The following DOK6 variants were observed in gnomAD, a reference collection of about 807,000 sequenced individuals.
The protein encoded by DOK6 is docking protein 6.
DOK6 carries 22 observed loss-of-function variants against 44.0 expected under a neutral mutation model. The observed-to-expected ratio is 0.50, with a 90% confidence interval of 0.36 to 0.71. The LOEUF is 0.71. Ranked by LOEUF, DOK6 falls within the 30% of genes least tolerant of loss-of-function variation. The probability of loss-of-function intolerance (pLI) is 0.00; values close to 1 mark genes in which losing one functional copy is unlikely to be tolerated. For synonymous variants in DOK6, 166 were observed against 145.5 expected (o/e 1.14, Z -1.01); for missense variants, 340 against 416.4 (o/e 0.82, Z 1.60).
At position 69,848,738 on chromosome 18, in the gene DOK6, T is replaced by C. The variant is rs1982408017; in HGVS notation, c.*7355T>C. 6.6e-6 allele frequency: 1 copy of C among 152,232 alleles called. No homozygotes were observed. The highest frequency in any genetic ancestry group is 1.5e-5 in the Non-Finnish European group (1 of 68,028). 9.4% of individuals were successfully genotyped at this position (152,232 alleles called of 1,614,324 possible). A position where few individuals can be genotyped will look rare whatever the true frequency, so the allele number is the denominator to read the frequency against. On this transcript the variant is annotated 3_prime_UTR_variant, in exon 8 of 8. Coordinates refer to ENST00000382713, the MANE Select transcript of DOK6 (RefSeq NM_152721.6). ...ATTGTTAACAATGTCTTATTCATAA[T>C]TCTAAAAAATTTACAAATGATATTG...
At chr18:69,837,838 A>G (rs907623483) in intron 7 of DOK6, among the ~76,000 whole-genome samples, 6 of 152,200 alleles carry the variant, frequency 3.9e-5, no homozygotes, top group Non-Finnish European at 5.9e-5. Context: ...TATTGAAGTG[A>G]CATGTACAGT....
chr18:69,552,578 A>G (rs1599187998), intron 1 of DOK6, among the ~76,000 whole-genome samples: 1 of 152,214 alleles, frequency 6.6e-6, no homozygotes, highest in Admixed American at 6.5e-5. Context: ...TGCTATGTGA[A>G]TAAGAGGATT....
chr18:69,596,720 T>C (rs1983750079), intron 2 of DOK6, among the ~76,000 whole-genome samples: 1 of 152,120 alleles, frequency 6.6e-6, no homozygotes, highest in South Asian at 2.1e-4. Flanking sequence ...GTGATCCCAG[T>C]CCAACCGTAA....
At chr18:69,602,728 A>G (rs1983901325) in intron 3 of DOK6, among the ~76,000 whole-genome samples, 1 of 152,156 alleles carries the variant, frequency 6.6e-6, no homozygotes, top group Non-Finnish European at 1.5e-5. Context: ...CCAAAATGAG[A>G]TTTTTTTGTT....
intron 1 of DOK6, among the ~76,000 whole-genome samples, chr18:69,527,690 G>A (rs1402337905): frequency 6.6e-6 from 1 of 152,090 alleles, no homozygotes; most frequent in African/African-American, 2.4e-5. Flanking sequence ...AATTCATCTG[G>A]CAACTACTGA....
At chr18:69,622,763 T>C (rs1984471222) in intron 3 of DOK6, among the ~76,000 whole-genome samples, 1 of 152,212 alleles carries the variant, frequency 6.6e-6, no homozygotes. Context: ...ACAATATTAT[T>C]ATTGTCTAAG....
At chr18:69,488,125 G>A (rs1392784271) in intron 1 of DOK6, among the ~76,000 whole-genome samples, 5 of 152,116 alleles carry the variant, frequency 3.3e-5, no homozygotes, top group Non-Finnish European at 7.4e-5. Context: ...CAATCTCATA[G>A]TGTGTTTCTA....
chr18:69,516,513 A>G (rs988037238), intron 1 of DOK6, among the ~76,000 whole-genome samples: 1 of 152,214 alleles, frequency 6.6e-6, no homozygotes, highest in Non-Finnish European at 1.5e-5. Context: ...CTTCATTTGC[A>G]AGAAACAATG....
intron 7 of DOK6, among the ~76,000 whole-genome samples, chr18:69,807,653 T>C (rs2145112202): frequency 6.6e-6 from 1 of 151,996 alleles, no homozygotes; most frequent in Admixed American, 6.6e-5. Context: ...TATACATGTA[T>C]CATATAAAAT....
At chr18:69,824,032 G>A (rs1375837107) in intron 7 of DOK6, among the ~76,000 whole-genome samples, 1 of 146,510 alleles carries the variant, frequency 6.8e-6, no homozygotes, top group Non-Finnish European at 1.5e-5. Context: ...CCTTGTTATA[G>A]TAGTTATTTT....
At chr18:69,686,861 T>C (rs1245474899) in intron 4 of DOK6, among the ~76,000 whole-genome samples, 1 of 152,030 alleles carries the variant, frequency 6.6e-6, no homozygotes, top group East Asian at 1.9e-4. Flanking sequence ...AATTACACAG[T>C]CATACTCAAG....
chr18:69,829,951 A>G lies in DOK6; in HGVS notation c.857-11293A>G, dbSNP rs141675497. On this transcript the variant is annotated intron_variant, in intron 7 of 7. Transcript: ENST00000382713. ...ATTTGACAGTTTATGTCAGAAACCT[A>G]GTGACATATAACAGCCATTAAATTA... Among the ~76,000 whole-genome samples, 358 of 152,286 alleles carry G rather than the reference A, an allele frequency of 2.4e-3. 3 individuals are homozygous for G. Among genetic ancestry groups the G allele is most frequent in the African/African-American group, 8.1e-3 (338 of 41,570 alleles).
chr18:69,609,584 AT>A (rs1438823914), intron 3 of DOK6, among the ~76,000 whole-genome samples: 1 of 152,206 alleles, frequency 6.6e-6, no homozygotes, highest in Non-Finnish European at 1.5e-5. Flanking sequence ...GGAAATGTAA[AT>A]TGATGCAGCT....
chr18:69,606,972 G>T (rs1368201259), intron 3 of DOK6, among the ~76,000 whole-genome samples: 1 of 152,160 alleles, frequency 6.6e-6, no homozygotes, highest in African/African-American at 2.4e-5. Context: ...TTTAACCAAA[G>T]ATGGTTTTAT....
chr18:69,533,247 A>AACT (rs71176978), intron 1 of DOK6, among the ~76,000 whole-genome samples: 22,802 of 152,150 alleles, frequency 0.15, 2,008 homozygotes, highest in East Asian at 0.23. Flanking sequence ...CATGTATAGT[A>AACT]TTGCTCACTA....
At chr18:69,536,547 T>A (rs1982127535) in intron 1 of DOK6, among the ~76,000 whole-genome samples, 3 of 152,290 alleles carry the variant, frequency 2.0e-5, no homozygotes, top group Non-Finnish European at 4.4e-5. Flanking sequence ...ATTTTAATAA[T>A]CATAGTTATT....
intron 3 of DOK6, among the ~76,000 whole-genome samples, chr18:69,615,841 G>T (rs12455870): frequency 0.61 from 92,050 of 151,780 alleles, 27,976 homozygotes; most frequent in South Asian, 0.68. Context: ...CAGAGAAATT[G>T]ATGTGTTCAG....
intron 2 of DOK6, among the ~76,000 whole-genome samples, chr18:69,573,172 A>G (rs1181057049): frequency 6.6e-6 from 1 of 151,864 alleles, no homozygotes; most frequent in Non-Finnish European, 1.5e-5. Flanking sequence ...TGATATAAGT[A>G]GGTTGGATAA....
At chr18:69,797,225 G>A (rs897087151) in intron 7 of DOK6, among the ~76,000 whole-genome samples, 24 of 152,116 alleles carry the variant, frequency 1.6e-4, no homozygotes, top group African/African-American at 5.5e-4. Flanking sequence ...TGTTGGCATT[G>A]CTCAGATATA....
Sources: gnomAD v4.1 joint callset for allele counts (sites outside exome capture counted in the v4.1 genomes callset) on GRCh38, gnomAD v4.1.1 for gene constraint, MANE v1.5 for transcripts, NCBI Gene and HGNC (gene_info 2026-07-23, HGNC 2026-07-21) for gene names.